The following LARGE1 variants were observed in gnomAD, a reference collection of about 807,000 sequenced individuals.
LARGE1 encodes the protein xylosyl- and glucuronyltransferase LARGE1.
A neutral mutation model predicts 87.6 loss-of-function variants in LARGE1; 43 were observed. The ratio of observed to expected loss-of-function variants is 0.49; its 90% CI spans 0.38 to 0.63. The LOEUF is 0.63. Among genes scored for constraint, LARGE1 ranks in the 30% least tolerant of loss-of-function variants. The pLI, the probability that LARGE1 is intolerant of heterozygous loss-of-function variation, is 0.00. For missense variants in LARGE1, 802 were observed against 1,000.2 expected (o/e 0.80, Z 2.67); for synonymous variants, 434 against 394.6 (o/e 1.10, Z -1.18).
At chr22:33,572,083 G>A in intron 5 of LARGE1, 1 of 571,204 alleles carries the variant, frequency 1.8e-6, no homozygotes, top group South Asian at 1.6e-5. Context: ...TACTATATAT[G>A]TAATCTGTAA....
intron 11 of LARGE1, 56 bp downstream of exon 11, chr22:33,316,029 C>T (rs1936112848): frequency 1.3e-6 from 2 of 1,585,966 alleles, no homozygotes; most frequent in African/African-American, 2.7e-5. Context: ...CATTCTCTAT[C>T]CTCCATGTAA....
intron 2 of LARGE1, among the ~76,000 whole-genome samples, chr22:33,680,670 T>C (rs1182891133): frequency 6.6e-6 from 1 of 152,034 alleles, no homozygotes; most frequent in Non-Finnish European, 1.5e-5. Context: ...CGCCCATGAG[T>C]GTGAAAGATG....
intron 1 of LARGE1, among the ~76,000 whole-genome samples, chr22:33,829,357 C>T (rs1368214175): frequency 6.6e-6 from 1 of 151,962 alleles, no homozygotes; most frequent in Non-Finnish European, 1.5e-5. Flanking sequence ...TCACGCATGG[C>T]CCAGAGAGCC....
chr22:33,655,923 T>C (rs529503260), intron 2 of LARGE1, among the ~76,000 whole-genome samples: 2 of 152,088 alleles, frequency 1.3e-5, no homozygotes, highest in Non-Finnish European at 2.9e-5. Context: ...AGTAAGAGCA[T>C]GGGATTTGGA....
intron 12 of LARGE1, among the ~76,000 whole-genome samples, chr22:33,285,741 A>G (rs541058952): frequency 6.6e-6 from 1 of 152,350 alleles, no homozygotes; most frequent in African/African-American, 2.4e-5. Flanking sequence ...TGGCGTGCAA[A>G]GAGGAATCAT....
At chr22:33,537,651 C>T (rs1422001244) in intron 6 of LARGE1, among the ~76,000 whole-genome samples, 1 of 152,180 alleles carries the variant, frequency 6.6e-6, no homozygotes, top group Non-Finnish European at 1.5e-5. Context: ...ATTCCAACCT[C>T]CACCTCCTGG....
intron 2 of LARGE1, among the ~76,000 whole-genome samples, chr22:33,757,023 T>G (rs562373388): frequency 3.4e-4 from 52 of 152,170 alleles, no homozygotes; most frequent in African/African-American, 1.1e-3. Context: ...GGGAAAGAAA[T>G]AAAGCAAGGA....
intron 1 of LARGE1, among the ~76,000 whole-genome samples, chr22:33,881,054 T>A (rs1006607928): frequency 7.0e-6 from 1 of 143,498 alleles, no homozygotes; most frequent in Non-Finnish European, 1.6e-5. Flanking sequence ...GTAGCTTTTT[T>A]AATTTTTTTT....
chr22:33,507,647 C>T (rs1302820636), intron 6 of LARGE1, among the ~76,000 whole-genome samples: 4 of 152,140 alleles, frequency 2.6e-5, no homozygotes, highest in Admixed American at 6.5e-5. Context: ...GATGGTTGTA[C>T]CACAACGTGA....
chr22:33,198,518 G>C (rs1924196584), intron 11 of LARGE1, among the ~76,000 whole-genome samples: 1 of 151,916 alleles, frequency 6.6e-6, no homozygotes, highest in Non-Finnish European at 1.5e-5. Flanking sequence ...TGATTCACCA[G>C]AATTCTTAGA....
At chr22:33,241,639 T>C (rs571881656) in intron 11 of LARGE1, among the ~76,000 whole-genome samples, 14 of 152,120 alleles carry the variant, frequency 9.2e-5, no homozygotes, top group Non-Finnish European at 4.4e-5. Context: ...TATATATGTA[T>C]ATATATGTGT....
In LARGE1 at chr22:33,650,625, G is replaced by A. The variant is rs2080771644; in HGVS notation, c.150C>T (p.His50=). 1.2e-6 allele frequency: 2 copies of A among 1,603,380 alleles called. No individual in the cohort carries two copies. Among genetic ancestry groups the A allele is most frequent in the Non-Finnish European group, 1.7e-6 (2 of 1,179,954 alleles). The change falls in exon 3 of 15, where the codon CAC becomes CAT. Residue 50 remains histidine (H), a synonymous_variant. Coordinates refer to ENST00000397394, the MANE Select transcript of LARGE1 (RefSeq NM_133642.5). ...VSLSPLESQA[H]SPRYTASSQR... ...GGCTGGAGGCCGTGTACCTGGGGCT[G>A]TGTGCCTGGGACTCCAGCGGTGACA...
At chr22:33,105,055 T>C in the LARGE1 span, among the ~76,000 whole-genome samples, 1 of 151,800 alleles carries the variant, frequency 6.6e-6, no homozygotes, top group Non-Finnish European at 1.5e-5. Context: ...TGGAGTGCAG[T>C]GGTACTATCT....
chr22:33,157,344 A>T (rs1921906015), downstream of LARGE1, among the ~76,000 whole-genome samples: 1 of 152,182 alleles, frequency 6.6e-6, no homozygotes, highest in Non-Finnish European at 1.5e-5. Context: ...CAAAAATGGA[A>T]ATCTGGTCAT....
intron 11 of LARGE1, among the ~76,000 whole-genome samples, chr22:33,247,984 T>C (rs1361193609): frequency 6.6e-6 from 1 of 152,214 alleles, no homozygotes; most frequent in African/African-American, 2.4e-5. Flanking sequence ...AATTTGACTC[T>C]TGACAAATTT....
At chr22:33,403,876 G>A (rs2066005744) in intron 7 of LARGE1, among the ~76,000 whole-genome samples, 1 of 152,126 alleles carries the variant, frequency 6.6e-6, no homozygotes, top group Admixed American at 6.6e-5. Context: ...GGGATTACAG[G>A]CGTGAGCCAC....
At chr22:33,172,160 GCC>G (rs1422768040) in intron 11 of LARGE1, among the ~76,000 whole-genome samples, 2 of 152,242 alleles carry the variant, frequency 1.3e-5, no homozygotes, top group Non-Finnish European at 2.9e-5. Flanking sequence ...CTTTGTTTTG[GCC>G]AATTTCTCCC....
intron 1 of LARGE1, among the ~76,000 whole-genome samples, chr22:33,827,084 C>T (rs547918903): frequency 3.3e-5 from 5 of 152,150 alleles, no homozygotes; most frequent in South Asian, 2.1e-4. Flanking sequence ...CTCACTGGAC[C>T]GGGCACGGTG....
chr22:33,087,688 A>C, the LARGE1 span, among the ~76,000 whole-genome samples: 1 of 152,164 alleles, frequency 6.6e-6, no homozygotes, highest in Non-Finnish European at 1.5e-5. Flanking sequence ...TAATCCCAGC[A>C]CTTTGGGAGG....
Sources: gnomAD v4.1 joint callset for allele counts (sites outside exome capture counted in the v4.1 genomes callset) on GRCh38, gnomAD v4.1.1 for gene constraint, MANE v1.5 for transcripts, NCBI Gene and HGNC (gene_info 2026-07-23, HGNC 2026-07-21) for gene names.